The following TTC6 variants were observed in gnomAD, a reference collection of about 807,000 sequenced individuals.
The protein encoded by TTC6 is tetratricopeptide repeat protein 6.
TTC6 carries 172 observed loss-of-function variants against 210.4 expected under a neutral mutation model. That is an observed-to-expected ratio of 0.82 (90% CI 0.72 to 0.93). TTC6 has a LOEUF of 0.93. TTC6 is among the 40% of genes least tolerant of loss of function. The probability of loss-of-function intolerance (pLI) is 0.00; values close to 1 mark genes in which losing one functional copy is unlikely to be tolerated. For synonymous variants in TTC6, 804 were observed against 819.6 expected, an observed-to-expected ratio of 0.98 and a Z score of 0.32; for missense variants, 2,414 against 2,318.1, an observed-to-expected ratio of 1.04 and a Z score of -0.85.
At chr14:37,794,638 C>T (rs1373566837) in intron 17 of TTC6, among the ~76,000 whole-genome samples, 1 of 151,356 alleles carries the variant, frequency 6.6e-6, no homozygotes, top group Non-Finnish European at 1.5e-5. Flanking sequence ...TTCATTCATT[C>T]ATTTACTTAA....
At chr14:37,623,594 T>G (rs1245526780) in intron 1 of TTC6, among the ~76,000 whole-genome samples, 1 of 152,214 alleles carries the variant, frequency 6.6e-6, no homozygotes, top group Admixed American at 6.5e-5. Flanking sequence ...TTTGTCCCCA[T>G]GACAACCCTA....
intron 4 of TTC6, among the ~76,000 whole-genome samples, chr14:37,700,892 A>C (rs2095823994): frequency 6.6e-6 from 1 of 152,012 alleles, no homozygotes; most frequent in Non-Finnish European, 1.5e-5. Context: ...TATCAATGCT[A>C]GTTAATGGAT....
At chr14:37,652,941 C>T (rs900880065) in intron 1 of TTC6, among the ~76,000 whole-genome samples, 1 of 152,180 alleles carries the variant, frequency 6.6e-6, no homozygotes, top group African/African-American at 2.4e-5. Flanking sequence ...CTATACAGTT[C>T]ATGATTGCAA....
intron 29 of TTC6, among the ~76,000 whole-genome samples, chr14:37,830,873 A>G (rs1225720899): frequency 1.3e-5 from 2 of 152,130 alleles, no homozygotes; most frequent in Non-Finnish European, 2.9e-5. Flanking sequence ...ACAATGTGTA[A>G]TGATGAAATC....
Position 37,753,011 on chromosome 14 carries a change from A to G in TTC6, c.3130-88A>G, listed in dbSNP as rs544189859. ...GGTTTGCTTTTATTAACCCGAAGTT[A>G]AAAACATAGTTTTAGATCACTTATG... On this transcript the variant is annotated intron_variant, in intron 13 of 30. Coordinates refer to ENST00000553443, the Ensembl canonical transcript of TTC6. The G allele has an allele frequency of 3.0e-5, 32 of 1,057,910 alleles. No homozygotes were observed. In the East Asian group the frequency reaches 7.0e-4, roughly 23 times the overall value. 65.5% of individuals were successfully genotyped at this position (1,057,910 alleles called of 1,614,324 possible).
At chr14:37,616,223 T>C (rs1251159977) in intron 2 of TTC6, among the ~76,000 whole-genome samples, 2 of 152,178 alleles carry the variant, frequency 1.3e-5, no homozygotes, top group African/African-American at 4.8e-5. Flanking sequence ...CTGGGTCTCT[T>C]CCTTCTGGAA....
intron 1 of TTC6, among the ~76,000 whole-genome samples, chr14:37,596,325 C>A (rs1242079795): frequency 6.6e-6 from 1 of 152,256 alleles, no homozygotes; most frequent in Non-Finnish European, 1.5e-5. Flanking sequence ...GGCGCGGGAA[C>A]GCATCTGCAC....
At chr14:37,813,760 G>C (rs1264978845) in intron 25 of TTC6, among the ~76,000 whole-genome samples, 2 of 152,102 alleles carry the variant, frequency 1.3e-5, no homozygotes, top group African/African-American at 2.4e-5. Context: ...AGTCTTTGAG[G>C]AGCTGATGGT....
chr14:37,664,902 C>T (rs2095744798), intron 1 of TTC6, among the ~76,000 whole-genome samples: 1 of 150,548 alleles, frequency 6.6e-6, no homozygotes, highest in Non-Finnish European at 1.5e-5. Flanking sequence ...GAAAAGAGCT[C>T]AACCTTACTG....
chr14:37,774,871 C>G lies in TTC6; in HGVS notation c.3267-12597C>G, dbSNP rs535700152. On this transcript the variant is annotated intron_variant, in intron 14 of 30. Coordinates refer to ENST00000553443, the Ensembl canonical transcript of TTC6. ...GGCTCTGAATCTCTCTGGTTCTGGG[C>G]TTTTTCTTGTTTGTAGGCTTTTTAT... Among the ~76,000 whole-genome samples the G allele has an allele frequency of 6.6e-5, 10 of 152,156 alleles. No individual in the cohort carries two copies. In the South Asian group the frequency reaches 1.9e-3, roughly 28 times the overall value.
At chr14:37,797,662 G>T (rs2096095807) in intron 20 of TTC6, among the ~76,000 whole-genome samples, 1 of 150,674 alleles carries the variant, frequency 6.6e-6, no homozygotes, top group Admixed American at 6.6e-5. Context: ...ATTTAAAATA[G>T]AATATGTCTA....
intron 3 of TTC6, among the ~76,000 whole-genome samples, chr14:37,689,978 C>A (rs560962055): frequency 9.2e-5 from 14 of 151,962 alleles, no homozygotes; most frequent in African/African-American, 2.9e-4. Context: ...AATGATTAAC[C>A]AACAAAAAAT....
At chr14:37,792,777 TGTGTGTGTG>T (rs1468606278) in intron 17 of TTC6, among the ~76,000 whole-genome samples, 2 of 18,392 alleles carry the variant, frequency 1.1e-4, no homozygotes, top group Non-Finnish European at 1.8e-4. Context: ...GGTCCAATGT[TGTGTGTGTG>T]TGTGTGTGTG....
chr14:37,613,684 T>C (rs1249847598), intron 2 of TTC6, among the ~76,000 whole-genome samples: 1 of 152,072 alleles, frequency 6.6e-6, no homozygotes, highest in African/African-American at 2.4e-5. Flanking sequence ...CTGTTTCTTA[T>C]GTTAATTTTG....
chr14:37,770,866 C>T (rs1367473004), intron 14 of TTC6, among the ~76,000 whole-genome samples: 2 of 149,240 alleles, frequency 1.3e-5, no homozygotes, highest in Non-Finnish European at 3.0e-5. Context: ...CTGGTTATTT[C>T]GCTCATTAGT....
chr14:37,700,995 C>T (rs978594694), intron 4 of TTC6, among the ~76,000 whole-genome samples: 4 of 151,894 alleles, frequency 2.6e-5, no homozygotes, highest in African/African-American at 9.7e-5. Context: ...ATATGGTGTC[C>T]ACAGACTGAG....
intron 1 of TTC6, among the ~76,000 whole-genome samples, chr14:37,596,275 C>T (rs1365748962): frequency 1.3e-5 from 2 of 152,246 alleles, no homozygotes; most frequent in Admixed American, 1.3e-4. Context: ...GAGGGGACAT[C>T]TCCCATAACA....
At chr14:37,622,384 C>T (rs1313518594) in exon 1 of TTC6, 3 of 1,531,076 alleles carry the variant, frequency 2.0e-6, no homozygotes, top group Admixed American at 4.0e-5. Flanking sequence ...GGTGAGGCGG[C>T]GGCTCCAGGC....
At chr14:37,767,694 A>T (rs942993248) in intron 14 of TTC6, among the ~76,000 whole-genome samples, 3 of 151,612 alleles carry the variant, frequency 2.0e-5, no homozygotes, top group African/African-American at 4.8e-5. Context: ...TAGATTCTGG[A>T]TATTAGCCCT....
Sources: allele counts gnomAD v4.1 joint callset (sites outside exome capture counted in the v4.1 genomes callset), GRCh38; gene constraint gnomAD v4.1.1; transcripts MANE v1.5; gene names NCBI Gene and HGNC (gene_info 2026-07-23, HGNC 2026-07-21).